The following MPP4 variants were observed in gnomAD, a reference collection of about 807,000 sequenced individuals.
MPP4 encodes MAGUK p55 subfamily member 4.
Under a neutral mutation model 98.3 loss-of-function variants are expected in MPP4, and 91 were observed. The ratio of observed to expected loss-of-function variants is 0.93; its 90% CI spans 0.78 to 1.10. The LOEUF is 1.10. MPP4 is among the 50% of genes least tolerant of loss of function. MPP4 has a pLI of 0.00. For missense variants in MPP4, 744 were observed against 792.9 expected, an observed-to-expected ratio of 0.94 and a Z score of 0.74; for synonymous variants, 261 against 271.8, an observed-to-expected ratio of 0.96 and a Z score of 0.39.
In MPP4 at chr2:201,693,000, G is replaced by T; in HGVS notation, c.109C>A (p.Gln37Lys). 6.2e-7 allele frequency: 1 copy of T among 1,613,052 alleles called. No homozygotes were observed. The highest frequency in any genetic ancestry group is 8.5e-7 in the Non-Finnish European group (1 of 1,179,534). Residue 37 changes from glutamine (Q) to lysine (K), a missense_variant, in exon 3 of 22, where the codon CAA (glutamine) becomes AAA (lysine). Physicochemically the swap from Gln to Lys is moderately conservative, Grantham distance 53. Coordinates refer to ENST00000409474, the MANE Select transcript of MPP4 (RefSeq NM_033066.3). The stretch of plus-strand genomic sequence containing the variant: ...CTGCCGTAGAACAGACTCAGCTCTT[G>T]CAGCACAAGCCTCAGGATCTGGGAG... The part of the protein sequence containing the change: ...GLSQILRLVL[Q>K]ELSLFYGRDV...
intron 16 of MPP4, among the ~76,000 whole-genome samples, chr2:201,657,616 T>TTTTTTTC: frequency 6.7e-6 from 1 of 148,640 alleles, no homozygotes; most frequent in Non-Finnish European, 1.5e-5. Flanking sequence ...TTTGTTTTTT[T>TTTTTTTC]TTGCTTATTG....
intron 12 of MPP4, chr2:201,666,598 T>C: frequency 2.8e-6 from 1 of 358,960 alleles, no homozygotes; most frequent in Non-Finnish European, 5.0e-6. Context: ...AGCACATGCC[T>C]ATATAATCCC....
intron 9 of MPP4, 59 bp downstream of exon 9, chr2:201,681,437 T>C: frequency 7.7e-7 from 1 of 1,300,174 alleles, no homozygotes; most frequent in Non-Finnish European, 1.1e-6. Flanking sequence ...GCATCATATT[T>C]AGTTGCTGTT....
chr2:201,647,772 C>T lies in MPP4; in HGVS notation c.1638G>A (p.Lys546=). The T allele has an allele frequency of 1.2e-6, 2 of 1,613,884 alleles. No homozygotes were observed. The highest frequency in any genetic ancestry group is 1.6e-4 in the Middle Eastern group (1 of 6,062). Residue 546 remains lysine, a synonymous_variant, in exon 21 of 22, where the codon AAG becomes AAA. Transcript: ENST00000409474. ...HELKPYVIFI[K]PSNMRCMKQS... ...GTTTCATACACCTCATATTCGATGG[C>T]TTTATAAATATGACATAGGGCTTCA...
chr2:201,692,818 T>C lies in MPP4; in HGVS notation c.201+90A>G, dbSNP rs945733753. Reference sequence around the variant, plus strand: ...CTGTTGTTTATAAACTATTCCACTATCCAGCCTGAATGGACTGAAGCTGTC... The same window carrying C: ...CTGTTGTTTATAAACTATTCCACTACCCAGCCTGAATGGACTGAAGCTGTC... On this transcript the variant is annotated intron_variant, in intron 3 of 21. Coordinates refer to ENST00000409474, the MANE Select transcript of MPP4 (RefSeq NM_033066.3). 4.0e-6 allele frequency: 6 copies of C among 1,518,028 alleles called. No individual in the cohort carries two copies. The African/African-American group carries it at 4.2e-5, about 11-fold the overall frequency. The allele number at this position is 1,518,028 out of a possible 1,614,324, so 94.0% of individuals were successfully genotyped here.
chr2:201,673,807 T>C (rs900130311), intron 11 of MPP4, among the ~76,000 whole-genome samples: 1 of 152,176 alleles, frequency 6.6e-6, no homozygotes, highest in Non-Finnish European at 1.5e-5. Flanking sequence ...ATAAAGTGGG[T>C]GAGGCTTGCC....
intron 18 of MPP4, chr2:201,651,132 G>A (rs1687702671): frequency 3.0e-6 from 3 of 985,304 alleles, no homozygotes; most frequent in Non-Finnish European, 3.6e-6. Flanking sequence ...CAGAATTTGT[G>A]TATTTGCATC....
chr2:201,649,399 A>T (rs1227434764), intron 20 of MPP4, among the ~76,000 whole-genome samples, 177 bp downstream of exon 20: 1 of 152,222 alleles, frequency 6.6e-6, no homozygotes, highest in Non-Finnish European at 1.5e-5. Context: ...TTCTTTCCCA[A>T]CTAAAAGTAA....
In MPP4 at chr2:201,645,151, A is replaced by C. The variant is rs1687525766; in HGVS notation, c.*59T>G. 8.6e-6 allele frequency: 12 copies of C among 1,403,142 alleles called. No individual in the cohort carries two copies. The highest frequency in any genetic ancestry group is 1.2e-5 in the Non-Finnish European group (12 of 1,040,596). 86.9% of individuals were successfully genotyped at this position (1,403,142 alleles called of 1,614,324 possible). ...GTCAAATACTGTTGTTTTAGATTGCAACTATGGATCGCTGTATCAAGGGTA... is the reference window on the plus strand; with the variant it reads ...GTCAAATACTGTTGTTTTAGATTGCCACTATGGATCGCTGTATCAAGGGTA... On this transcript the variant is annotated 3_prime_UTR_variant, in exon 22 of 22. Transcript: ENST00000409474.
Position 201,690,239 on chromosome 2 carries a change from A to G in MPP4, c.242T>C (p.Val81Ala). The G allele has an allele frequency of 6.2e-7, 1 of 1,610,046 alleles. No homozygotes were observed. The highest frequency in any genetic ancestry group is 8.5e-7 in the Non-Finnish European group (1 of 1,178,170). ...CLQEFKEKKLVPATPHAQVLS... is the reference protein window; with the variant it reads ...CLQEFKEKKLAPATPHAQVLS... ...CACCTGTGCATGTGGTGTGGCAGGAACTAGTTTCTTTTCTTTAAATTCCTG... is the reference window on the plus strand; with the variant it reads ...CACCTGTGCATGTGGTGTGGCAGGAGCTAGTTTCTTTTCTTTAAATTCCTG... The change falls in exon 4 of 22, where the codon GTT (valine) becomes GCT (alanine). Residue 81 changes from valine to alanine, a missense_variant. Coordinates refer to ENST00000409474, the MANE Select transcript of MPP4 (RefSeq NM_033066.3).
At chr2:201,692,679 A>G (rs1313945442) in intron 3 of MPP4, among the ~76,000 whole-genome samples, 1 of 152,170 alleles carries the variant, frequency 6.6e-6, no homozygotes, top group African/African-American at 2.4e-5. Flanking sequence ...TTATGTGAGG[A>G]CATAGCAAGA....
intron 18 of MPP4, among the ~76,000 whole-genome samples, chr2:201,653,434 C>G (rs1021869907): frequency 6.6e-6 from 1 of 152,154 alleles, no homozygotes; most frequent in African/African-American, 2.4e-5. Context: ...GCACCGCTCT[C>G]TCCAATAAAA....
At chr2:201,654,753 A>G in intron 18 of MPP4, 84 bp downstream of exon 18, 1 of 897,056 alleles carries the variant, frequency 1.1e-6, no homozygotes, top group Non-Finnish European at 1.7e-6. Flanking sequence ...TTTTACAACA[A>G]AGATGGAATG....
intron 1 of MPP4, chr2:201,698,088 C>T (rs1293745320): frequency 3.0e-6 from 3 of 989,636 alleles, no homozygotes; most frequent in Middle Eastern, 5.1e-4. Flanking sequence ...CAGTTCTTGA[C>T]TCAGAAGATG....
chr2:201,668,164 G>A (rs1399732822), intron 12 of MPP4, among the ~76,000 whole-genome samples: 4 of 152,106 alleles, frequency 2.6e-5, no homozygotes, highest in Non-Finnish European at 5.9e-5. Flanking sequence ...AGCATGAGAA[G>A]CTCTGACTTT....
At chr2:201,661,071 C>T (rs1173836657) in intron 14 of MPP4, among the ~76,000 whole-genome samples, 1 of 152,126 alleles carries the variant, frequency 6.6e-6, no homozygotes, top group East Asian at 1.9e-4. Context: ...TAGGCATGAG[C>T]CACCACGCCT....
chr2:201,681,245 A>C (rs934525816), intron 9 of MPP4, among the ~76,000 whole-genome samples: 3 of 152,172 alleles, frequency 2.0e-5, no homozygotes, highest in African/African-American at 2.4e-5. Context: ...AGAATCTCTT[A>C]GCTTAGAGAA....
intron 4 of MPP4, among the ~76,000 whole-genome samples, chr2:201,688,119 C>T (rs534781799): frequency 6.6e-6 from 1 of 152,280 alleles, no homozygotes; most frequent in South Asian, 2.1e-4. Flanking sequence ...TTGTTGATTA[C>T]TGGAATTGAG....
intron 8 of MPP4, 79 bp from the exon 9 acceptor site, chr2:201,681,646 G>A (rs1688669284): frequency 9.7e-7 from 1 of 1,031,896 alleles, no homozygotes. Flanking sequence ...GAGTTACAGT[G>A]CAATGTATCC....
Sources: allele counts gnomAD v4.1 joint callset (sites outside exome capture counted in the v4.1 genomes callset), GRCh38; gene constraint gnomAD v4.1.1; transcripts MANE v1.5; gene names NCBI Gene and HGNC (gene_info 2026-07-23, HGNC 2026-07-21).